AFF3: variants seen among roughly 807,000 people sequenced by gnomAD.
AFF3 encodes AF4/FMR2 family member 3.
AFF3 carries 32 observed loss-of-function variants against 129.7 expected under a neutral mutation model. The ratio of observed to expected loss-of-function variants is 0.25; its 90% CI spans 0.19 to 0.33. AFF3 has a LOEUF of 0.33. Among genes scored for constraint, AFF3 ranks in the 10% least tolerant of loss-of-function variants. The probability of loss-of-function intolerance (pLI) is 1.00; values close to 1 mark genes in which losing one functional copy is unlikely to be tolerated. For missense variants in AFF3, 1,373 were observed against 1,592.0 expected (o/e 0.86, Z 2.34); for synonymous variants, 644 against 635.4 (o/e 1.01, Z -0.20).
At position 99,550,390 on chromosome 2, in the gene AFF3, G is replaced by T. The variant is rs140921738; in HGVS notation, c.*1084C>A. On this transcript the variant is annotated 3_prime_UTR_variant, in exon 25 of 25. Transcript: ENST00000672756. ...GCTGCAGGTGCACATTCTGCATGAG[G>T]AGTGAGAGAATCAGCATTATCATGG... 2 of 230,368 alleles carry T rather than the reference G, an allele frequency of 8.7e-6. No homozygotes were observed. The highest frequency in any genetic ancestry group is 1.2e-4 in the East Asian group (2 of 16,214). The allele number at this position is 230,368 out of a possible 1,614,324, so 14.3% of individuals were successfully genotyped here. A position where few individuals can be genotyped will look rare whatever the true frequency, so the allele number is the denominator to read the frequency against.
intron 7 of AFF3, among the ~76,000 whole-genome samples, chr2:99,888,242 T>C (rs1488298034): frequency 6.6e-6 from 1 of 152,166 alleles, no homozygotes; most frequent in Non-Finnish European, 1.5e-5. Flanking sequence ...AGAGAGCAGA[T>C]GATGAAGGTA....
chr2:99,975,149 T>C (rs1678751894), intron 7 of AFF3, among the ~76,000 whole-genome samples: 2 of 152,222 alleles, frequency 1.3e-5, no homozygotes, highest in South Asian at 4.1e-4. Context: ...TGATTTTGTG[T>C]TTCACCAAAG....
intron 23 of AFF3, 25 bp downstream of exon 23, chr2:99,554,658 A>G (rs759636300): frequency 6.2e-7 from 1 of 1,614,166 alleles, no homozygotes; most frequent in South Asian, 1.1e-5. Flanking sequence ...GGCTTACGGC[A>G]TTGACTTTGG....
At chr2:99,598,669 A>G (rs970199836) in intron 14 of AFF3, among the ~76,000 whole-genome samples, 6 of 152,216 alleles carry the variant, frequency 3.9e-5, no homozygotes, top group Non-Finnish European at 8.8e-5. Context: ...TTCTGCTTCA[A>G]AGCAGCACAA....
chr2:99,579,929 C>A (rs1559499853), intron 17 of AFF3, among the ~76,000 whole-genome samples: 2 of 152,202 alleles, frequency 1.3e-5, no homozygotes, highest in Non-Finnish European at 2.9e-5. Context: ...ACAAATGCTT[C>A]TTTAAATAGG....
At chr2:99,672,396 T>A (rs1166734170) in intron 12 of AFF3, 142 bp downstream of exon 12, 21 of 685,934 alleles carry the variant, frequency 3.1e-5, no homozygotes, top group Non-Finnish European at 5.2e-5. Flanking sequence ...CTGACCCAAC[T>A]GCATAGAAGC....
At chr2:100,039,882 G>A (rs1370231550) in intron 4 of AFF3, among the ~76,000 whole-genome samples, 1 of 152,068 alleles carries the variant, frequency 6.6e-6, no homozygotes, top group African/African-American at 2.4e-5. Flanking sequence ...ATTTTCCATT[G>A]TTCTCTCTAG....
At chr2:100,031,931 GC>G (rs1272040627) in intron 4 of AFF3, among the ~76,000 whole-genome samples, 6 of 152,214 alleles carry the variant, frequency 3.9e-5, no homozygotes, top group African/African-American at 1.4e-4. Flanking sequence ...AAGAATTACA[GC>G]TATATGCAAC....
At chr2:99,939,816 C>T (rs1483211691) in intron 7 of AFF3, among the ~76,000 whole-genome samples, 1 of 152,164 alleles carries the variant, frequency 6.6e-6, no homozygotes, top group African/African-American at 2.4e-5. Context: ...GTTTATAGCA[C>T]TAATAAGAAC....
At chr2:99,978,476 AC>A (rs1295625105) in intron 7 of AFF3, among the ~76,000 whole-genome samples, 2 of 152,240 alleles carry the variant, frequency 1.3e-5, no homozygotes, top group African/African-American at 4.8e-5. Flanking sequence ...AACTTCTAAG[AC>A]AGGCCCAGCA....
chr2:99,873,866 A>G (rs1692063406), intron 7 of AFF3, among the ~76,000 whole-genome samples: 2 of 152,070 alleles, frequency 1.3e-5, no homozygotes, highest in African/African-American at 4.8e-5. Context: ...AAATGCCAAA[A>G]CAACTAGACT....
chr2:99,655,213 T>TACACACACACACAC (rs59646108), intron 12 of AFF3, among the ~76,000 whole-genome samples: 5 of 130,268 alleles, frequency 3.8e-5, no homozygotes, highest in South Asian at 2.8e-4. Flanking sequence ...CATGAAAAGC[T>TACACACACACACAC]ACACACACAC....
At chr2:99,756,106 T>C (rs955239875) in intron 8 of AFF3, among the ~76,000 whole-genome samples, 1 of 152,240 alleles carries the variant, frequency 6.6e-6, no homozygotes, top group Non-Finnish European at 1.5e-5. Context: ...CAGGTGGTTC[T>C]GGATCCTCAT....
At chr2:99,942,327 G>A (rs185672536) in intron 7 of AFF3, among the ~76,000 whole-genome samples, 7 of 152,210 alleles carry the variant, frequency 4.6e-5, no homozygotes, top group South Asian at 2.1e-4. Flanking sequence ...CAAGGGCTAC[G>A]TTCACAAGTC....
chr2:99,554,741 A>C lies in AFF3; in HGVS notation c.3286-9T>G. 1 of 1,614,200 alleles carries C rather than the reference A, an allele frequency of 6.2e-7. No homozygotes were observed. The highest frequency in any genetic ancestry group is 8.5e-7 in the Non-Finnish European group (1 of 1,180,040). On this transcript the variant is annotated splice_polypyrimidine_tract_variant and intron_variant, in intron 22 of 24. Coordinates refer to ENST00000672756, the MANE Select transcript of AFF3 (RefSeq NM_001386135.1). ...GCGGCTTTAGATGAGTTCTGCAAGA[A>C]AATAAAAACACTGACAGTGAGTGCC...
chr2:100,040,169 A>G (rs1376765843), intron 4 of AFF3, among the ~76,000 whole-genome samples: 1 of 152,134 alleles, frequency 6.6e-6, no homozygotes, highest in Non-Finnish European at 1.5e-5. Context: ...TGTCACAAGA[A>G]GCCTCCCCTC....
Position 99,958,750 on chromosome 2 carries a change from GAGGACCTTTCTGAGAAACAGAT to G in AFF3, c.873+47860_873+47881del, listed in dbSNP as rs1377392143. 2.0e-5 allele frequency among the ~76,000 whole-genome samples: 3 copies of G among 152,068 alleles called. No individual in the cohort carries two copies. In the East Asian group the frequency reaches 5.8e-4, roughly 29 times the overall value. ...GGGTGGAAAAGACCACGTTTCACTA[GAGGACCTTTCTGAGAAACAGAT>G]AGGATTTTGGGAGCCAGAGGATTTT... is the stretch of plus-strand genomic sequence containing the variant. On this transcript the variant is annotated intron_variant, in intron 7 of 24. Coordinates refer to ENST00000672756, the MANE Select transcript of AFF3 (RefSeq NM_001386135.1).
intron 4 of AFF3, among the ~76,000 whole-genome samples, chr2:100,016,890 G>GTGA (rs1486097788): frequency 6.6e-6 from 1 of 151,398 alleles, no homozygotes; most frequent in Non-Finnish European, 1.5e-5. Context: ...GATGGTGATG[G>GTGA]TGGTGGTGGT....
intron 7 of AFF3, among the ~76,000 whole-genome samples, chr2:99,858,915 A>G (rs1043837934): frequency 1.7e-4 from 26 of 152,238 alleles, no homozygotes; most frequent in African/African-American, 6.0e-4. Flanking sequence ...AATAAAAAAG[A>G]AAACAAATGT....
Sources: gnomAD v4.1 joint callset for allele counts (sites outside exome capture counted in the v4.1 genomes callset) on GRCh38, gnomAD v4.1.1 for gene constraint, MANE v1.5 for transcripts, NCBI Gene and HGNC (gene_info 2026-07-23, HGNC 2026-07-21) for gene names.